Variants in COX7B2 observed in about 807,000 individuals in gnomAD.
The protein encoded by COX7B2 is cytochrome c oxidase subunit 7B2, also known as cytochrome c oxidase subunit 7B2, mitochondrial.
For missense variants in COX7B2, 109 were observed against 95.9 expected, an observed-to-expected ratio of 1.14 and a Z score of -0.57; for synonymous variants, 37 against 32.1, an observed-to-expected ratio of 1.15 and a Z score of -0.51.
chr4:46,812,461 C>A (rs73813711), intron 2 of COX7B2, among the ~76,000 whole-genome samples: 1,559 of 152,178 alleles, frequency 0.01, 27 homozygotes, highest in African/African-American at 0.035. Context: ...GGCACACTGG[C>A]AGGTGGGCTC....
chr4:46,836,094 G>A (rs1393584610), intron 2 of COX7B2, among the ~76,000 whole-genome samples: 1 of 152,158 alleles, frequency 6.6e-6, no homozygotes, highest in Non-Finnish European at 1.5e-5. Context: ...TGAGTGCTGA[G>A]TGAGTGTGAA....
In COX7B2 at chr4:46,870,251, A is replaced by ATTG. The variant is rs768030111; in HGVS notation, c.-104-25238_-104-25237insCAA. On this transcript the variant is annotated intron_variant, in intron 1 of 2. Coordinates refer to ENST00000355591, the MANE Select transcript of COX7B2 (RefSeq NM_130902.3). ...ACAAAAACCACATGATTACCTCAAT[A>ATTG]GGCACAGAAAAGGCTTTTGATAAAA... Among the ~76,000 whole-genome samples, 7 of 152,270 alleles carry ATTG rather than the reference A, an allele frequency of 4.6e-5. No individual in the cohort carries two copies. In the Middle Eastern group the frequency reaches 0.01, roughly 222 times the overall value.
At chr4:46,795,054 T>A (rs907406965) in intron 2 of COX7B2, among the ~76,000 whole-genome samples, 8 of 148,902 alleles carry the variant, frequency 5.4e-5, no homozygotes, top group Non-Finnish European at 1.2e-4. Flanking sequence ...TTGTTTGTTT[T>A]TTTCTTGTAA....
chr4:46,812,627 C>CAGG (rs1719342953), intron 2 of COX7B2, among the ~76,000 whole-genome samples: 2 of 152,222 alleles, frequency 1.3e-5, no homozygotes, highest in South Asian at 4.1e-4. Flanking sequence ...GTGATGCTTT[C>CAGG]ACTTCCAGAA....
In COX7B2 at chr4:46,735,110, A is replaced by C; in HGVS notation, c.83T>G (p.Val28Gly). Residue 28 changes from valine to glycine, a missense_variant, in exon 3 of 3, where the codon GTA (valine) becomes GGA (glycine). Coordinates refer to ENST00000355591, the MANE Select transcript of COX7B2 (RefSeq NM_130902.3). ...ATCATGAAAATCTGGTGAGTGTTTT[A>C]CATGGCTATGTCTTGCCATGCTTTG... ...ILQSMARHSHVKHSPDFHDKY... is the reference protein window; with the variant it reads ...ILQSMARHSHGKHSPDFHDKY... The C allele has an allele frequency of 6.2e-7, 1 of 1,613,982 alleles. No individual in the cohort carries two copies. The highest frequency in any genetic ancestry group is 8.5e-7 in the Non-Finnish European group (1 of 1,179,888).
chr4:46,760,069 A>G (rs928851245), intron 2 of COX7B2, among the ~76,000 whole-genome samples: 3 of 152,076 alleles, frequency 2.0e-5, no homozygotes, highest in Non-Finnish European at 4.4e-5. Flanking sequence ...CACAGTGGGA[A>G]TGACTGACAA....
At chr4:46,833,494 A>G (rs1037194582) in intron 2 of COX7B2, among the ~76,000 whole-genome samples, 3 of 152,198 alleles carry the variant, frequency 2.0e-5, no homozygotes, top group Non-Finnish European at 4.4e-5. Context: ...GTATAGCCCA[A>G]ATGCAGGTTA....
At chr4:46,799,679 C>A (rs1718547294) in intron 2 of COX7B2, among the ~76,000 whole-genome samples, 1 of 152,050 alleles carries the variant, frequency 6.6e-6, no homozygotes, top group Non-Finnish European at 1.5e-5. Context: ...TGCAGTTGAA[C>A]CTTGCATCAC....
chr4:46,808,704 C>T (rs1035633464), intron 2 of COX7B2, among the ~76,000 whole-genome samples: 2 of 151,742 alleles, frequency 1.3e-5, no homozygotes, highest in Admixed American at 6.6e-5. Flanking sequence ...TGTTGAGGAA[C>T]TTTCTTTCTA....
intron 2 of COX7B2, among the ~76,000 whole-genome samples, chr4:46,776,635 G>A (rs1221186599): frequency 6.6e-6 from 1 of 152,094 alleles, no homozygotes; most frequent in African/African-American, 2.4e-5. Flanking sequence ...GGTTGCAAAG[G>A]AGAAAGACAA....
At chr4:46,786,674 T>G (rs1331884501) in intron 2 of COX7B2, among the ~76,000 whole-genome samples, 1 of 152,160 alleles carries the variant, frequency 6.6e-6, no homozygotes, top group Non-Finnish European at 1.5e-5. Context: ...CCTGGTAGGA[T>G]GTGAAAGTAG....
chr4:46,881,217 C>A lies in COX7B2; in HGVS notation c.-105+27943G>T, dbSNP rs199704698. Among the ~76,000 whole-genome samples the A allele has an allele frequency of 4.6e-5, 7 of 152,146 alleles. No homozygotes were observed. The East Asian group carries it at 1.4e-3, about 29-fold the overall frequency. On this transcript the variant is annotated intron_variant, in intron 1 of 2. Transcript: ENST00000355591. ...CGACATGTGCCCAAGGTGGTCAGGG[C>A]ACAGCTTAGTTTTATACATTTTAGG...
chr4:46,833,272 A>G (rs1415575505), intron 2 of COX7B2, among the ~76,000 whole-genome samples: 3 of 152,226 alleles, frequency 2.0e-5, no homozygotes, highest in African/African-American at 7.2e-5. Context: ...CAATGTGAGA[A>G]CTAACACAGT....
At chr4:46,772,269 A>T (rs1351711818) in intron 2 of COX7B2, among the ~76,000 whole-genome samples, 1 of 152,142 alleles carries the variant, frequency 6.6e-6, no homozygotes, top group Non-Finnish European at 1.5e-5. Flanking sequence ...AACAGAGAAT[A>T]ATGGTGTTGT....
intron 2 of COX7B2, among the ~76,000 whole-genome samples, chr4:46,757,803 A>G (rs1715891582): frequency 6.6e-6 from 1 of 152,168 alleles, no homozygotes; most frequent in Non-Finnish European, 1.5e-5. Flanking sequence ...GACTGAAAAA[A>G]TAAAAATAAA....
chr4:46,762,430 C>A (rs1716235090), intron 2 of COX7B2, among the ~76,000 whole-genome samples: 3 of 131,776 alleles, frequency 2.3e-5, no homozygotes, highest in African/African-American at 5.7e-5. Context: ...TATATATTTA[C>A]TATATATACT....
At chr4:46,757,607 G>T (rs1051785880) in intron 2 of COX7B2, among the ~76,000 whole-genome samples, 1 of 151,776 alleles carries the variant, frequency 6.6e-6, no homozygotes, top group East Asian at 1.9e-4. Flanking sequence ...ATATTCTCTC[G>T]AGCCAAACTG....
intron 2 of COX7B2, among the ~76,000 whole-genome samples, chr4:46,757,794 A>C (rs942298177): frequency 6.6e-6 from 1 of 152,118 alleles, no homozygotes; most frequent in Non-Finnish European, 1.5e-5. Flanking sequence ...ATATTTGTAG[A>C]CTGAAAAAAT....
chr4:46,797,087 T>G (rs1718395244), intron 2 of COX7B2, among the ~76,000 whole-genome samples: 1 of 56,702 alleles, frequency 1.8e-5, no homozygotes, highest in Non-Finnish European at 3.2e-5. Context: ...AAACTTAGAG[T>G]ATAATAAAAA....
Sources: gnomAD v4.1 joint callset for allele counts (sites outside exome capture counted in the v4.1 genomes callset) on GRCh38, gnomAD v4.1.1 for gene constraint, MANE v1.5 for transcripts, NCBI Gene and HGNC (gene_info 2026-07-23, HGNC 2026-07-21) for gene names.